The following ELF5 variants were observed in gnomAD, a reference collection of about 807,000 sequenced individuals.
ELF5 encodes the protein ETS-related transcription factor Elf-5.
A neutral mutation model predicts 38.2 loss-of-function variants in ELF5; 31 were observed. That is an observed-to-expected ratio of 0.81 (90% CI 0.61 to 1.10). ELF5 has a LOEUF of 1.10. Ranked by LOEUF, ELF5 falls within the 50% of genes least tolerant of loss-of-function variation. The pLI is 0.00. For missense variants in ELF5, 300 were observed against 306.6 expected, an observed-to-expected ratio of 0.98 and a Z score of 0.16; for synonymous variants, 121 against 112.5, an observed-to-expected ratio of 1.08 and a Z score of -0.48.
At chr11:34,499,169 T>C (rs1016428348) in intron 2 of ELF5, among the ~76,000 whole-genome samples, 5 of 152,134 alleles carry the variant, frequency 3.3e-5, no homozygotes, top group African/African-American at 1.2e-4. Flanking sequence ...GCCCTTCCTA[T>C]ATAAAGATCC....
intron 4 of ELF5, among the ~76,000 whole-genome samples, chr11:34,486,912 G>A (rs1850009727): frequency 6.6e-6 from 1 of 152,198 alleles, no homozygotes; most frequent in African/African-American, 2.4e-5. Context: ...TTGGTCTTTG[G>A]ATGGGACATC....
In ELF5 at chr11:34,493,733, G is replaced by T. The variant is rs369488129; in HGVS notation, c.122-21C>A. ...ACAGGCTGCACCAAAGGAGAAAGAA[G>T]TGAGGGACAACAGTCCCAAGACAGC... On this transcript the variant is annotated intron_variant, in intron 2 of 6. Coordinates refer to ENST00000257832, the MANE Select transcript of ELF5 (RefSeq NM_001422.4). 5.6e-6 allele frequency: 9 copies of T among 1,608,066 alleles called. No individual in the cohort carries two copies. In the African/African-American group the frequency reaches 9.4e-5, roughly 17 times the overall value.
chr11:34,500,802 G>T (rs1850445634), intron 2 of ELF5, among the ~76,000 whole-genome samples: 2 of 152,166 alleles, frequency 1.3e-5, no homozygotes, highest in South Asian at 4.1e-4. Context: ...CATAAAACAT[G>T]AATCTTGCTT....
chr11:34,479,447 C>G lies in ELF5; in HGVS notation c.*771G>C, dbSNP rs1856873750. 1 of 152,186 alleles carries G rather than the reference C, an allele frequency of 6.6e-6. No homozygotes were observed. The highest frequency in any genetic ancestry group is 2.1e-4 in the South Asian group (1 of 4,816). 9.4% of individuals were successfully genotyped at this position (152,186 alleles called of 1,614,324 possible). Reference sequence around the variant, plus strand: ...TAAGTGTTTAAGTCCAGAAGGATGTCTGTGGAAGTTTTGCTGAGTGGTCAA... The same window carrying G: ...TAAGTGTTTAAGTCCAGAAGGATGTGTGTGGAAGTTTTGCTGAGTGGTCAA... On this transcript the variant is annotated 3_prime_UTR_variant, in exon 7 of 7. Coordinates refer to ENST00000257832, the MANE Select transcript of ELF5 (RefSeq NM_001422.4).
chr11:34,505,867 T>C, intron 1 of ELF5, 114 bp from the exon 2 acceptor site: 2 of 1,316,086 alleles, frequency 1.5e-6, no homozygotes, highest in Non-Finnish European at 2.0e-6. Context: ...AACAAATATG[T>C]CACTCACTAG....
intron 1 of ELF5, among the ~76,000 whole-genome samples, chr11:34,507,156 C>T (rs1850631670): frequency 1.3e-5 from 2 of 152,174 alleles, no homozygotes; most frequent in African/African-American, 4.8e-5. Context: ...ATCTGTACTC[C>T]ACTGTATATA....
intron 4 of ELF5, among the ~76,000 whole-genome samples, chr11:34,489,199 G>C (rs1284706572): frequency 6.6e-6 from 1 of 152,226 alleles, no homozygotes; most frequent in Non-Finnish European, 1.5e-5. Flanking sequence ...TGTTAACTAG[G>C]ATCCAAGTAA....
chr11:34,500,972 C>T (rs558957319), intron 2 of ELF5, among the ~76,000 whole-genome samples: 1 of 114,972 alleles, frequency 8.7e-6, no homozygotes, highest in East Asian at 2.9e-4. Context: ...TGCCCGTTAT[C>T]ATGCTAAATT....
chr11:34,486,022 GT>G (rs763980756), intron 4 of ELF5, among the ~76,000 whole-genome samples: 1 of 152,176 alleles, frequency 6.6e-6, no homozygotes, highest in Non-Finnish European at 1.5e-5. Flanking sequence ...GAGAGGCTTG[GT>G]TGGCCTTGAG....
At chr11:34,505,560 C>A in intron 2 of ELF5, 69 bp downstream of exon 2, 1 of 1,598,230 alleles carries the variant, frequency 6.3e-7, no homozygotes, top group Non-Finnish European at 8.5e-7. Flanking sequence ...CTTCCACCTG[C>A]GGCCAGCACC....
intron 2 of ELF5, 67 bp from the exon 3 acceptor site, chr11:34,493,779 G>T: frequency 7.2e-7 from 1 of 1,393,980 alleles, no homozygotes. Context: ...GCCCCTGAAG[G>T]ATGCATCAGT....
chr11:34,492,758 G>C (rs1401584700), intron 3 of ELF5: 1 of 153,328 alleles, frequency 6.5e-6, no homozygotes, highest in Non-Finnish European at 1.5e-5. Flanking sequence ...GTAGCTCGGA[G>C]TATTGGAGCC....
At chr11:34,489,402 C>T (rs1261844598) in intron 4 of ELF5, among the ~76,000 whole-genome samples, 1 of 152,184 alleles carries the variant, frequency 6.6e-6, no homozygotes, top group Non-Finnish European at 1.5e-5. Flanking sequence ...GACCACATTT[C>T]CTCCTGGCCT....
At chr11:34,508,056 T>C (rs922887542) in intron 1 of ELF5, among the ~76,000 whole-genome samples, 1 of 152,218 alleles carries the variant, frequency 6.6e-6, no homozygotes, top group Non-Finnish European at 1.5e-5. Context: ...GCAATATAAA[T>C]GGAAAGTCAG....
chr11:34,499,966 T>C (rs983415670), intron 2 of ELF5, among the ~76,000 whole-genome samples: 3 of 152,320 alleles, frequency 2.0e-5, no homozygotes, highest in Admixed American at 6.5e-5. Context: ...ATAGTACCTA[T>C]ATCTTAGGAG....
chr11:34,490,151 T>A, intron 3 of ELF5, 92 bp from the exon 4 acceptor site: 1 of 1,370,652 alleles, frequency 7.3e-7, no homozygotes, highest in Non-Finnish European at 1.0e-6. Context: ...GGAAGTGGAG[T>A]GACTGTCCCT....
chr11:34,496,079 A>G (rs1240464002), intron 2 of ELF5, among the ~76,000 whole-genome samples: 1 of 151,572 alleles, frequency 6.6e-6, no homozygotes, highest in Non-Finnish European at 1.5e-5. Flanking sequence ...CTCTGCTTCC[A>G]CCCCCTTGTT....
intron 1 of ELF5, among the ~76,000 whole-genome samples, chr11:34,507,656 A>G (rs1450826033): frequency 2.6e-5 from 4 of 152,230 alleles, no homozygotes; most frequent in African/African-American, 9.7e-5. Context: ...TCTCTACTGA[A>G]TCCCATCTCC....
chr11:34,508,520 AAAAAATAAAAAAT>A (rs1457842195), intron 1 of ELF5, among the ~76,000 whole-genome samples: 1 of 150,460 alleles, frequency 6.6e-6, no homozygotes, highest in African/African-American at 2.4e-5. Context: ...AATAAAAAAT[AAAAAATAAAAAAT>A]AAAAAAAACT....
Sources: gnomAD v4.1 joint callset for allele counts (sites outside exome capture counted in the v4.1 genomes callset) on GRCh38, gnomAD v4.1.1 for gene constraint, MANE v1.5 for transcripts, NCBI Gene and HGNC (gene_info 2026-07-23, HGNC 2026-07-21) for gene names.